The following SNX29 variants were observed in gnomAD, a reference collection of about 807,000 sequenced individuals.
The protein encoded by SNX29 is sorting nexin-29.
Under a neutral mutation model 102.1 loss-of-function variants are expected in SNX29, and 78 were observed. The ratio of observed to expected loss-of-function variants is 0.76; its 90% CI spans 0.64 to 0.92. The LOEUF (loss-of-function observed/expected upper bound fraction) is 0.92. SNX29 is among the 40% of genes least tolerant of loss of function. The probability of loss-of-function intolerance (pLI) is 0.00; values close to 1 mark genes in which losing one functional copy is unlikely to be tolerated. For missense variants in SNX29, 1,280 were observed against 1,061.7 expected, an observed-to-expected ratio of 1.21 and a Z score of -2.86; for synonymous variants, 580 against 414.5, an observed-to-expected ratio of 1.40 and a Z score of -4.85.
At chr16:12,481,384 A>G (rs1169772047) in intron 19 of SNX29, among the ~76,000 whole-genome samples, 1 of 146,048 alleles carries the variant, frequency 6.8e-6, no homozygotes, top group African/African-American at 2.6e-5. Flanking sequence ...TTTTATACAT[A>G]TATATATATA....
At chr16:12,111,535 C>A (rs1040549577) in intron 11 of SNX29, among the ~76,000 whole-genome samples, 4 of 152,196 alleles carry the variant, frequency 2.6e-5, no homozygotes, top group Admixed American at 6.5e-5. Flanking sequence ...CTCAGTGACA[C>A]AGTGGGGAGG....
intron 14 of SNX29, among the ~76,000 whole-genome samples, chr16:12,264,124 C>A (rs528397330): frequency 2.6e-5 from 4 of 152,284 alleles, no homozygotes; most frequent in African/African-American, 9.6e-5. Flanking sequence ...GCCAGCTGAG[C>A]CCCTTGCAGA....
At chr16:12,173,214 A>T (rs1028569005) in intron 13 of SNX29, among the ~76,000 whole-genome samples, 3 of 152,208 alleles carry the variant, frequency 2.0e-5, no homozygotes, top group African/African-American at 7.2e-5. Flanking sequence ...AGTAGCTATT[A>T]GATAAAAGTG....
intron 20 of SNX29, among the ~76,000 whole-genome samples, chr16:12,539,194 TTGAG>T (rs1234319917): frequency 1.3e-5 from 2 of 152,190 alleles, no homozygotes; most frequent in African/African-American, 4.8e-5. Context: ...ATGCATAGAT[TTGAG>T]TAACCACCAT....
intron 18 of SNX29, among the ~76,000 whole-genome samples, chr16:12,406,181 C>T (rs572960961): frequency 3.0e-4 from 46 of 152,000 alleles, no homozygotes; most frequent in East Asian, 1.9e-3. Context: ...AAGGAAAAAG[C>T]GGAAAGCATA....
intron 11 of SNX29, among the ~76,000 whole-genome samples, chr16:12,099,108 G>A (rs375195277): frequency 2.0e-5 from 3 of 152,250 alleles, no homozygotes; most frequent in East Asian, 1.9e-4. Context: ...GTTTCAGGCT[G>A]TTGTTAGATA....
At chr16:12,481,210 T>G (rs1475660682) in intron 19 of SNX29, among the ~76,000 whole-genome samples, 9 of 152,122 alleles carry the variant, frequency 5.9e-5, no homozygotes, top group Non-Finnish European at 4.4e-5. Context: ...CTGGTACAAG[T>G]GCACCAGCTG....
chr16:12,147,773 G>C (rs2141560731), intron 13 of SNX29, among the ~76,000 whole-genome samples: 1 of 152,318 alleles, frequency 6.6e-6, no homozygotes, highest in Non-Finnish European at 1.5e-5. Flanking sequence ...CGGTTCACAA[G>C]GTGGCAATTT....
At chr16:12,330,282 C>G (rs2081256298) in intron 15 of SNX29, among the ~76,000 whole-genome samples, 1 of 152,092 alleles carries the variant, frequency 6.6e-6, no homozygotes, top group Admixed American at 6.5e-5. Context: ...GCCTGACCAA[C>G]ATGGCGAAAC....
At chr16:12,291,170 T>C (rs2079780473) in intron 15 of SNX29, among the ~76,000 whole-genome samples, 1 of 152,190 alleles carries the variant, frequency 6.6e-6, no homozygotes, top group Admixed American at 6.5e-5. Context: ...ACATCATTTT[T>C]GGTAGCTGTT....
chr16:12,407,899 G>C (rs1369947408), intron 18 of SNX29, among the ~76,000 whole-genome samples: 1 of 152,198 alleles, frequency 6.6e-6, no homozygotes, highest in East Asian at 1.9e-4. Context: ...AGAATTGCTT[G>C]AGCCCAGCAG....
intron 20 of SNX29, among the ~76,000 whole-genome samples, chr16:12,540,248 C>T (rs896208359): frequency 1.3e-5 from 2 of 152,130 alleles, no homozygotes; most frequent in Non-Finnish European, 2.9e-5. Flanking sequence ...GCTCCCCCCA[C>T]CCCCAGCGTA....
chr16:12,047,486 AATG>A (rs1363052532), intron 6 of SNX29, among the ~76,000 whole-genome samples: 1 of 152,088 alleles, frequency 6.6e-6, no homozygotes, highest in Non-Finnish European at 1.5e-5. Context: ...TGTCCACAGT[AATG>A]ATGATGATGT....
chr16:12,543,711 G>A lies in SNX29; in HGVS notation c.2318+18870G>A, dbSNP rs1271809715. ...TCGTATCAGAAAATATTAACCACGGGAATTAATGAATTTTGGCATTGCAGT... is the reference window on the plus strand; with the variant it reads ...TCGTATCAGAAAATATTAACCACGGAAATTAATGAATTTTGGCATTGCAGT... On this transcript the variant is annotated intron_variant, in intron 20 of 20. Coordinates refer to ENST00000566228, the MANE Select transcript of SNX29 (RefSeq NM_032167.5). Among the ~76,000 whole-genome samples the A allele has an allele frequency of 2.0e-5, 3 of 152,334 alleles. No individual in the cohort carries two copies. The East Asian group carries it at 5.8e-4, about 29-fold the overall frequency.
chr16:12,553,550 G>A (rs541420398), intron 20 of SNX29, among the ~76,000 whole-genome samples: 1 of 152,082 alleles, frequency 6.6e-6, no homozygotes, highest in African/African-American at 2.4e-5. Context: ...GCACTGCAGG[G>A]AGCTAAGCAG....
intron 15 of SNX29, among the ~76,000 whole-genome samples, chr16:12,329,707 G>T (rs1247535973): frequency 3.9e-5 from 6 of 152,212 alleles, no homozygotes; most frequent in African/African-American, 1.4e-4. Context: ...CAGTTCACTG[G>T]CAACGAGTCC....
intron 14 of SNX29, among the ~76,000 whole-genome samples, chr16:12,218,985 A>G (rs1184147898): frequency 4.6e-5 from 7 of 152,076 alleles, no homozygotes; most frequent in African/African-American, 9.7e-5. Context: ...TGTGTTAGCC[A>G]GGTTGGTCTC....
At chr16:12,284,376 C>G (rs2151035017) in intron 15 of SNX29, among the ~76,000 whole-genome samples, 1 of 152,356 alleles carries the variant, frequency 6.6e-6, no homozygotes. Flanking sequence ...AAGAACCCAG[C>G]TGAGTGCCTG....
intron 14 of SNX29, among the ~76,000 whole-genome samples, chr16:12,240,690 C>G (rs76299937): frequency 6.8e-5 from 10 of 146,586 alleles, no homozygotes. Flanking sequence ...TCTGCCTCCT[C>G]CCAGGTTCAG....
Sources: allele counts gnomAD v4.1 joint callset (sites outside exome capture counted in the v4.1 genomes callset), GRCh38; gene constraint gnomAD v4.1.1; transcripts MANE v1.5; gene names NCBI Gene and HGNC (gene_info 2026-07-23, HGNC 2026-07-21).